DLG2: variants seen among roughly 807,000 people sequenced by gnomAD.
The protein encoded by DLG2 is discs large MAGUK scaffold protein 2.
In DLG2, 45 loss-of-function variants were observed where a neutral mutation model predicts 132.5. That is an observed-to-expected ratio of 0.34 (90% confidence interval 0.27 to 0.44). The LOEUF (loss-of-function observed/expected upper bound fraction) is 0.44, where lower values mean the gene tolerates loss of function less well. DLG2 is among the 20% of genes least tolerant of loss of function. The probability of loss-of-function intolerance (pLI) is 1.00; values close to 1 mark genes in which losing one functional copy is unlikely to be tolerated. For missense variants in DLG2, 1,045 were observed against 1,196.9 expected (o/e 0.87, Z 1.87); for synonymous variants, 424 against 419.6 (o/e 1.01, Z -0.13).
intron 18 of DLG2, among the ~76,000 whole-genome samples, chr11:83,778,846 G>A (rs1014089047): frequency 2.6e-5 from 4 of 151,976 alleles, no homozygotes; most frequent in African/African-American, 9.7e-5. Flanking sequence ...CATATTCTAC[G>A]CTGCTATGGG....
At chr11:85,162,842 C>T (rs2152476722) in intron 4 of DLG2, among the ~76,000 whole-genome samples, 1 of 152,218 alleles carries the variant, frequency 6.6e-6, no homozygotes, top group Non-Finnish European at 1.5e-5. Context: ...TACTGAGTGT[C>T]AACTTAATTG....
intron 3 of DLG2, among the ~76,000 whole-genome samples, chr11:85,450,043 C>T (rs1023478259): frequency 3.9e-5 from 6 of 152,086 alleles, no homozygotes; most frequent in African/African-American, 9.7e-5. Context: ...AGGAGAATCG[C>T]TTGAACCCAG....
At chr11:84,333,564 A>G (rs527905937) in intron 7 of DLG2, among the ~76,000 whole-genome samples, 7 of 152,336 alleles carry the variant, frequency 4.6e-5, no homozygotes, top group African/African-American at 1.7e-4. Context: ...CAAATTACAG[A>G]AAATTTAAAA....
intron 6 of DLG2, among the ~76,000 whole-genome samples, chr11:85,012,861 T>C (rs1336895312): frequency 6.6e-6 from 1 of 152,142 alleles, no homozygotes; most frequent in Non-Finnish European, 1.5e-5. Flanking sequence ...CACTGACACT[T>C]AGATGTTAGG....
At chr11:84,069,549 A>G (rs763618143) in intron 10 of DLG2, among the ~76,000 whole-genome samples, 1 of 152,234 alleles carries the variant, frequency 6.6e-6, no homozygotes, top group Non-Finnish European at 1.5e-5. Flanking sequence ...CATTTAAAAA[A>G]TAGGGCTTCT....
intron 4 of DLG2, among the ~76,000 whole-genome samples, chr11:85,258,026 T>C (rs2152708492): frequency 6.6e-6 from 1 of 152,296 alleles, no homozygotes; most frequent in South Asian, 2.1e-4. Flanking sequence ...ACTCAGGAAC[T>C]GATACTGTGG....
chr11:84,771,181 T>A (rs188311676), intron 6 of DLG2, among the ~76,000 whole-genome samples: 2 of 152,330 alleles, frequency 1.3e-5, no homozygotes, highest in Admixed American at 1.3e-4. Flanking sequence ...TTTAGGACTT[T>A]GAGGAATTGC....
At chr11:83,820,876 G>A (rs776987629) in intron 17 of DLG2, among the ~76,000 whole-genome samples, 20 of 151,974 alleles carry the variant, frequency 1.3e-4, no homozygotes, top group Non-Finnish European at 2.4e-4. Context: ...CCAACCAACC[G>A]ACACTTAAAC....
intron 15 of DLG2, among the ~76,000 whole-genome samples, chr11:83,902,566 G>T (rs1386025960): frequency 2.0e-5 from 3 of 152,134 alleles, no homozygotes; most frequent in Non-Finnish European, 4.4e-5. Flanking sequence ...GAAGGCACTG[G>T]AAATGTTTAA....
At chr11:84,361,430 A>G (rs1469569384) in intron 7 of DLG2, among the ~76,000 whole-genome samples, 2 of 151,998 alleles carry the variant, frequency 1.3e-5, no homozygotes, top group Non-Finnish European at 2.9e-5. Context: ...TGACATCTTT[A>G]AAGTCCTGAA....
At chr11:85,596,696 T>C (rs1037456924) in intron 3 of DLG2, among the ~76,000 whole-genome samples, 3 of 152,170 alleles carry the variant, frequency 2.0e-5, no homozygotes, top group Non-Finnish European at 4.4e-5. Context: ...ATGCAAATTA[T>C]AGACCATAAC....
chr11:83,763,941 T>C (rs1487400202), intron 18 of DLG2, among the ~76,000 whole-genome samples: 1 of 152,224 alleles, frequency 6.6e-6, no homozygotes, highest in Non-Finnish European at 1.5e-5. Flanking sequence ...ATAAAGTGGT[T>C]CCATTTATAG....
intron 18 of DLG2, among the ~76,000 whole-genome samples, chr11:83,749,249 T>C (rs1263837939): frequency 6.6e-6 from 1 of 152,226 alleles, no homozygotes; most frequent in Non-Finnish European, 1.5e-5. Flanking sequence ...GCCTTTCTTT[T>C]TGAAGATGTT....
chr11:85,417,013 C>T (rs868114783), intron 3 of DLG2, among the ~76,000 whole-genome samples: 1 of 152,092 alleles, frequency 6.6e-6, no homozygotes. Context: ...GCATCCTTGT[C>T]GTATGCCAGT....
intron 3 of DLG2, among the ~76,000 whole-genome samples, chr11:85,379,037 C>A (rs1448659675): frequency 6.6e-6 from 1 of 152,090 alleles, no homozygotes; most frequent in African/African-American, 2.4e-5. Flanking sequence ...TAATACATAA[C>A]TTCAGAATTC....
At chr11:85,214,420 T>C (rs1287710623) in intron 4 of DLG2, among the ~76,000 whole-genome samples, 1 of 152,060 alleles carries the variant, frequency 6.6e-6, no homozygotes, top group East Asian at 1.9e-4. Context: ...ACAGTTGAAA[T>C]TCCTCAACTT....
chr11:84,926,844 G>C (rs149758457), intron 6 of DLG2, among the ~76,000 whole-genome samples: 123 of 152,100 alleles, frequency 8.1e-4, no homozygotes, highest in African/African-American at 2.8e-3. Context: ...GATTGTGAGA[G>C]GAGAAATAAG....
intron 4 of DLG2, among the ~76,000 whole-genome samples, chr11:85,205,167 T>C (rs111944899): frequency 1.4e-4 from 19 of 138,786 alleles, no homozygotes; most frequent in African/African-American, 4.3e-4. Context: ...TATATATAGA[T>C]ATATATATAT....
chr11:84,106,850 AGTGTGTGTGTGTATGTGT>A (rs2092963988), intron 9 of DLG2, among the ~76,000 whole-genome samples: 1 of 121,286 alleles, frequency 8.2e-6, no homozygotes, highest in South Asian at 2.9e-4. Context: ...TGTTTGAGTG[AGTGTGTGTGTGTATGTGT>A]GAGAGAGAGA....
Sources: allele counts gnomAD v4.1 joint callset (sites outside exome capture counted in the v4.1 genomes callset), GRCh38; gene constraint gnomAD v4.1.1; transcripts MANE v1.5; gene names NCBI Gene and HGNC (gene_info 2026-07-23, HGNC 2026-07-21).